The following ZYG11A variants were observed in gnomAD, a reference collection of about 807,000 sequenced individuals.
The protein encoded by ZYG11A is protein zyg-11 homolog A.
In ZYG11A, 62 loss-of-function variants were observed where a neutral mutation model predicts 77.2. The observed-to-expected ratio is 0.80, with a 90% CI of 0.65 to 0.99. ZYG11A has a LOEUF of 0.99. Among genes scored for constraint, ZYG11A ranks in the 50% least tolerant of loss-of-function variants. The pLI is 0.00. For missense variants in ZYG11A, 828 were observed against 896.8 expected (o/e 0.92, Z 0.98); for synonymous variants, 315 against 324.6 (o/e 0.97, Z 0.32).
chr1:52,869,964 ACCC>A (rs544972436), intron 8 of ZYG11A, among the ~76,000 whole-genome samples: 2 of 51,362 alleles, frequency 3.9e-5, no homozygotes, highest in African/African-American at 9.4e-5. Flanking sequence ...CGGGGGGCTG[ACCC>A]CCCCCCACCC....
chr1:52,883,942 T>C (rs939138279), intron 11 of ZYG11A, among the ~76,000 whole-genome samples: 4 of 151,898 alleles, frequency 2.6e-5, no homozygotes, highest in African/African-American at 9.7e-5. Context: ...TGCAATGGCA[T>C]GATCATAGCT....
In ZYG11A at chr1:52,877,691, G is replaced by C. The variant is rs546242881; in HGVS notation, c.1552G>C (p.Ala518Pro). The change falls in exon 9 of 14, where the codon GCA (alanine) becomes CCA (proline). Residue 518 changes from alanine (A) to proline (P), a missense_variant. Physicochemically the swap from Ala to Pro is conservative, Grantham distance 27. Transcript: ENST00000371528. The stretch of plus-strand genomic sequence containing the variant: ...TCTCTTTGGTTTTTAGGAACTTCTA[G>C]CAATAGTAAAACAAAAGACTACTGA... Reference protein sequence around the residue: ...ELFMAVKELLAIVKQKTTENL... With the variant: ...ELFMAVKELLPIVKQKTTENL... The C allele has an allele frequency of 9.0e-6, 14 of 1,548,152 alleles. No homozygotes were observed. The East Asian group carries it at 3.4e-4, about 38-fold the overall frequency.
chr1:52,879,245 A>C (rs1369581349), intron 10 of ZYG11A, among the ~76,000 whole-genome samples: 1 of 152,186 alleles, frequency 6.6e-6, no homozygotes, highest in Non-Finnish European at 1.5e-5. Context: ...CGGATGCATG[A>C]AATATGTCAA....
At chr1:52,864,382 A>G (rs756976696) in intron 5 of ZYG11A, among the ~76,000 whole-genome samples, 3 of 152,022 alleles carry the variant, frequency 2.0e-5, no homozygotes, top group Non-Finnish European at 4.4e-5. Flanking sequence ...AGTAGCTGGG[A>G]TTACAGGCGT....
chr1:52,881,556 G>A lies in ZYG11A; in HGVS notation c.1835G>A (p.Arg612Lys). ...CATATCAACAGTTTACTCTGTAGCA[G>A]GGAAATGGAAGTCAGCTATTTTGCT... The part of the protein sequence containing the change: ...LKHINSLLCS[R>K]EMEVSYFAAG... Residue 612 changes from arginine to lysine, a missense_variant, in exon 11 of 14, where the codon AGG becomes AAG. By Grantham distance (26) the Arg-to-Lys change is conservative. Coordinates refer to ENST00000371528, the MANE Select transcript of ZYG11A (RefSeq NM_001004339.3). The A allele has an allele frequency of 6.4e-7, 1 of 1,552,120 alleles. No individual in the cohort carries two copies. The highest frequency in any genetic ancestry group is 2.4e-5 in the East Asian group (1 of 40,918).
intron 13 of ZYG11A, among the ~76,000 whole-genome samples, chr1:52,890,335 AG>A (rs1646524111): frequency 1.4e-5 from 2 of 139,958 alleles, no homozygotes; most frequent in Admixed American, 1.5e-4. Context: ...CATAGGTTCA[AG>A]GGGTTCCCCT....
At chr1:52,880,358 A>G (rs1012764072) in intron 10 of ZYG11A, among the ~76,000 whole-genome samples, 3 of 152,008 alleles carry the variant, frequency 2.0e-5, no homozygotes, top group Non-Finnish European at 4.4e-5. Context: ...AGCAGCAGTT[A>G]ATGCTAACAC....
At chr1:52,876,873 T>G (rs1230549733) in intron 8 of ZYG11A, among the ~76,000 whole-genome samples, 2 of 152,232 alleles carry the variant, frequency 1.3e-5, no homozygotes, top group Admixed American at 1.3e-4. Flanking sequence ...GAAAATCGTT[T>G]TGTCTTTTTC....
chr1:52,858,795 G>A (rs750107308), intron 3 of ZYG11A, among the ~76,000 whole-genome samples: 1 of 151,234 alleles, frequency 6.6e-6, no homozygotes, highest in Non-Finnish European at 1.5e-5. Flanking sequence ...TGTATTTTTA[G>A]TAGAGGCAGA....
chr1:52,893,154 C>G lies in ZYG11A; in HGVS notation c.*197C>G, dbSNP rs1394706196. On this transcript the variant is annotated 3_prime_UTR_variant, in exon 14 of 14. Coordinates refer to ENST00000371528, the MANE Select transcript of ZYG11A (RefSeq NM_001004339.3). ...AAGTCAAGTTGGACTCATTCTGCAGCCTTTCAGCAGCAATTTTGAAGACTC... is the reference window on the plus strand; with the variant it reads ...AAGTCAAGTTGGACTCATTCTGCAGGCTTTCAGCAGCAATTTTGAAGACTC... 1.8e-6 allele frequency: 1 copy of G among 545,780 alleles called. No homozygotes were observed. Among genetic ancestry groups the G allele is most frequent in the Non-Finnish European group, 3.2e-6 (1 of 313,548 alleles). The allele number at this position is 545,780 out of a possible 1,614,324, so 33.8% of individuals were successfully genotyped here.
intron 1 of ZYG11A, among the ~76,000 whole-genome samples, chr1:52,853,833 GAAGTCA>G (rs1645758562): frequency 6.6e-6 from 1 of 152,142 alleles, no homozygotes; most frequent in Non-Finnish European, 1.5e-5. Context: ...CCTGACTGGG[GAAGTCA>G]AAGTTGCATT....
At chr1:52,863,315 G>A (rs945524003) in intron 4 of ZYG11A, among the ~76,000 whole-genome samples, 2 of 152,074 alleles carry the variant, frequency 1.3e-5, no homozygotes, top group Admixed American at 1.3e-4. Context: ...CTAATGTTTT[G>A]TTTTACCATT....
rs1329323690 is a variant in ZYG11A at position 52,854,579 on chromosome 1, A to G, written c.205A>G (p.Ser69Gly). The G allele has an allele frequency of 6.5e-7, 1 of 1,549,316 alleles. No homozygotes were observed. The highest frequency in any genetic ancestry group is 1.2e-5 in the South Asian group (1 of 83,542). Residue 69 changes from serine to glycine, a missense_variant, in exon 2 of 14, where the codon AGT (serine) becomes GGT (glycine). Coordinates refer to ENST00000371528, the MANE Select transcript of ZYG11A (RefSeq NM_001004339.3). ...AACACTGTGCCTTCCGGAGCATTGGAGTTTCCCTCAGGAAGTAGCCGAGCG... is the reference window on the plus strand; with the variant it reads ...AACACTGTGCCTTCCGGAGCATTGGGGTTTCCCTCAGGAAGTAGCCGAGCG... Reference protein sequence around the residue: ...DGTLCLPEHWSFPQEVAERFL... With the variant: ...DGTLCLPEHWGFPQEVAERFL...
chr1:52,886,857 T>C (rs949866117), intron 12 of ZYG11A, 99 bp from the exon 13 acceptor site: 1 of 374,074 alleles, frequency 2.7e-6, no homozygotes, highest in Non-Finnish European at 4.6e-6. Context: ...GTGAAAATTA[T>C]ATACATTATT....
Position 52,893,078 on chromosome 1 carries a change from T to C in ZYG11A, c.*121T>C. On this transcript the variant is annotated 3_prime_UTR_variant, in exon 14 of 14. Coordinates refer to ENST00000371528, the MANE Select transcript of ZYG11A (RefSeq NM_001004339.3). ...GGCTGTCTCATTGGCCTTTGATTGT[T>C]GATTTTATATATGTTACAAAAGGTT... 1.2e-6 allele frequency: 1 copy of C among 842,886 alleles called. No individual in the cohort carries two copies. Among genetic ancestry groups the C allele is most frequent in the Non-Finnish European group, 1.8e-6 (1 of 556,332 alleles). The allele number at this position is 842,886 out of a possible 1,614,324, so 52.2% of individuals were successfully genotyped here.
At chr1:52,892,202 TCTGGGGGTTTTC>T (rs2150026094) in intron 13 of ZYG11A, among the ~76,000 whole-genome samples, 1 of 246 alleles carries the variant, frequency 4.1e-3, no homozygotes, top group Admixed American at 0.028. Flanking sequence ...CCCAGCCACA[TCTGGGGGTTTTC>T]AACATCATTT....
intron 5 of ZYG11A, 82 bp downstream of exon 5, chr1:52,864,239 G>A (rs1645981777): frequency 1.5e-6 from 2 of 1,370,140 alleles, no homozygotes; most frequent in African/African-American, 1.5e-5. Flanking sequence ...AGAGTGCCGT[G>A]GCACAATTTG....
chr1:52,874,297 G>A (rs934933127), intron 8 of ZYG11A, among the ~76,000 whole-genome samples: 1 of 152,090 alleles, frequency 6.6e-6, no homozygotes, highest in African/African-American at 2.4e-5. Context: ...AGGCTGGAGT[G>A]CAGTGGTGGG....
rs190317077 is a variant in ZYG11A, at chr1:52,859,974, C to T, written c.1009-757C>T. Among the ~76,000 whole-genome samples the T allele has an allele frequency of 1.8e-3, 273 of 152,128 alleles. 2 individuals are homozygous for T. Among genetic ancestry groups the T allele is most frequent in the African/African-American group, 6.3e-3 (260 of 41,510 alleles). ...ATTACAGGCCTGAGCCATTGTGCCC[C>T]GGCCTACTGTCTTGATTACTATAAC... On this transcript the variant is annotated intron_variant, in intron 3 of 13. Transcript: ENST00000371528.
Sources: allele counts gnomAD v4.1 joint callset (sites outside exome capture counted in the v4.1 genomes callset), GRCh38; gene constraint gnomAD v4.1.1; transcripts MANE v1.5; gene names NCBI Gene and HGNC (gene_info 2026-07-23, HGNC 2026-07-21).